The following GALNT13 variants were observed in gnomAD, a reference collection of about 807,000 sequenced individuals.
The protein encoded by GALNT13 is polypeptide N-acetylgalactosaminyltransferase 13.
GALNT13 carries 28 observed loss-of-function variants against 64.2 expected under a neutral mutation model. That is an observed-to-expected ratio of 0.44 (90% CI 0.32 to 0.60). The LOEUF is 0.60. Among genes scored for constraint, GALNT13 ranks in the 20% least tolerant of loss-of-function variants. The probability of loss-of-function intolerance (pLI) is 0.05; values close to 1 mark genes in which losing one functional copy is unlikely to be tolerated. For missense variants in GALNT13, 577 were observed against 669.8 expected, an observed-to-expected ratio of 0.86 and a Z score of 1.53; for synonymous variants, 214 against 224.6, an observed-to-expected ratio of 0.95 and a Z score of 0.42.
At chr2:154,349,222 A>G (rs1280389250) in intron 9 of GALNT13, among the ~76,000 whole-genome samples, 1 of 152,212 alleles carries the variant, frequency 6.6e-6, no homozygotes, top group Non-Finnish European at 1.5e-5. Context: ...TATCATCATC[A>G]TTAATAATTA....
At chr2:154,300,197 A>C (rs1225401199) in intron 8 of GALNT13, among the ~76,000 whole-genome samples, 2 of 141,482 alleles carry the variant, frequency 1.4e-5, no homozygotes, top group African/African-American at 5.2e-5. Context: ...CTGCCTCCCG[A>C]GTTCAAGCGA....
At chr2:153,707,621 G>A in the GALNT13 span, among the ~76,000 whole-genome samples, 1 of 152,164 alleles carries the variant, frequency 6.6e-6, no homozygotes, top group African/African-American at 2.4e-5. Flanking sequence ...AAGCTCACTT[G>A]AGAGAGTCAC....
At chr2:153,137,026 T>TA in the GALNT13 span, among the ~76,000 whole-genome samples, 5 of 151,966 alleles carry the variant, frequency 3.3e-5, no homozygotes, top group African/African-American at 1.2e-4. Flanking sequence ...GGAAAAGTCC[T>TA]AAAAAAACTA....
chr2:153,161,087 A>G, the GALNT13 span, among the ~76,000 whole-genome samples: 1 of 152,188 alleles, frequency 6.6e-6, no homozygotes, highest in Non-Finnish European at 1.5e-5. Flanking sequence ...ACTTATTCCA[A>G]CAATTACTGT....
At chr2:153,769,638 A>G in the GALNT13 span, among the ~76,000 whole-genome samples, 2 of 152,160 alleles carry the variant, frequency 1.3e-5, no homozygotes, top group African/African-American at 4.8e-5. Flanking sequence ...CCAAAAGCCA[A>G]GAGATTTTTC....
chr2:153,669,228 A>G, the GALNT13 span, among the ~76,000 whole-genome samples: 1 of 152,118 alleles, frequency 6.6e-6, no homozygotes, highest in Middle Eastern at 3.4e-3. Context: ...CTTTGTTAGC[A>G]TGCACTCATC....
At chr2:153,794,766 G>A in the GALNT13 span, among the ~76,000 whole-genome samples, 1 of 152,078 alleles carries the variant, frequency 6.6e-6, no homozygotes, top group Non-Finnish European at 1.5e-5. Flanking sequence ...TGATCCACCC[G>A]CCTTGGCCTC....
chr2:154,203,249 G>A (rs916398235), intron 4 of GALNT13, among the ~76,000 whole-genome samples: 12 of 152,132 alleles, frequency 7.9e-5, no homozygotes, highest in African/African-American at 2.9e-4. Flanking sequence ...ATAAATGTGA[G>A]TGTTTTGTAT....
the GALNT13 span, among the ~76,000 whole-genome samples, chr2:153,343,635 A>G: frequency 1.3e-5 from 2 of 152,264 alleles, no homozygotes; most frequent in East Asian, 1.9e-4. Context: ...CTTGCATAAC[A>G]TTTCCATATT....
At chr2:153,866,629 A>G in the GALNT13 span, among the ~76,000 whole-genome samples, 1 of 152,358 alleles carries the variant, frequency 6.6e-6, no homozygotes, top group Non-Finnish European at 1.5e-5. Context: ...TCTTCATGTC[A>G]TGAAATTATT....
chr2:153,398,864 G>T, the GALNT13 span, among the ~76,000 whole-genome samples: 7 of 135,348 alleles, frequency 5.2e-5, no homozygotes, highest in East Asian at 2.1e-4. Context: ...TTTCTCCCAT[G>T]TTGTAGGTTG....
chr2:153,346,395 T>A, the GALNT13 span, among the ~76,000 whole-genome samples: 1 of 152,230 alleles, frequency 6.6e-6, no homozygotes, highest in Admixed American at 6.5e-5. Context: ...CTTCTAATCA[T>A]AGATAATGGA....
the GALNT13 span, among the ~76,000 whole-genome samples, chr2:153,800,993 T>C: frequency 3.3e-5 from 5 of 152,202 alleles, no homozygotes; most frequent in Non-Finnish European, 5.9e-5. Flanking sequence ...GTTATGGAGA[T>C]GGCTTCTTTC....
At chr2:154,004,630 A>C (rs1269637402) in intron 3 of GALNT13, among the ~76,000 whole-genome samples, 2 of 152,186 alleles carry the variant, frequency 1.3e-5, no homozygotes, top group African/African-American at 4.8e-5. Context: ...ATCGACAGCT[A>C]GTATCTCAGT....
At chr2:153,122,450 A>G in the GALNT13 span, among the ~76,000 whole-genome samples, 2 of 152,208 alleles carry the variant, frequency 1.3e-5, no homozygotes, top group African/African-American at 4.8e-5. Flanking sequence ...GTCGATTTAC[A>G]GTCATACAGC....
At chr2:153,454,668 G>A in the GALNT13 span, among the ~76,000 whole-genome samples, 2 of 152,072 alleles carry the variant, frequency 1.3e-5, no homozygotes, top group Non-Finnish European at 2.9e-5. Flanking sequence ...AGATTTCCTT[G>A]GTCCCCTGTA....
chr2:153,986,990 A>C (rs1028813338), intron 3 of GALNT13, among the ~76,000 whole-genome samples: 1 of 151,904 alleles, frequency 6.6e-6, no homozygotes, highest in East Asian at 1.9e-4. Flanking sequence ...TTTGGAGGGA[A>C]ATAAGAGAAG....
chr2:154,235,576 G>A (rs138664288), intron 4 of GALNT13, among the ~76,000 whole-genome samples: 83 of 152,138 alleles, frequency 5.5e-4, no homozygotes, highest in African/African-American at 1.8e-3. Context: ...ATATATAGAG[G>A]ACTTGCATTG....
the GALNT13 span, among the ~76,000 whole-genome samples, chr2:153,660,617 A>G: frequency 1.2e-4 from 18 of 151,022 alleles, no homozygotes; most frequent in African/African-American, 4.4e-4. Flanking sequence ...CACATTATAT[A>G]TATATACAAC....
Sources: allele counts gnomAD v4.1 joint callset (sites outside exome capture counted in the v4.1 genomes callset), GRCh38; gene constraint gnomAD v4.1.1; transcripts MANE v1.5; gene names NCBI Gene and HGNC (gene_info 2026-07-23, HGNC 2026-07-21).